SLC7A1: variants seen among roughly 807,000 people sequenced by gnomAD.
SLC7A1 encodes the protein high affinity cationic amino acid transporter 1.
Under a neutral mutation model 53.9 loss-of-function variants are expected in SLC7A1, and 10 were observed. The observed-to-expected ratio is 0.19, with a 90% CI of 0.11 to 0.31. The LOEUF (loss-of-function observed/expected upper bound fraction) is 0.31, where lower values mean the gene tolerates loss of function less well. Among genes scored for constraint, SLC7A1 ranks in the 10% least tolerant of loss-of-function variants. The pLI is 1.00. For missense variants in SLC7A1, 525 were observed against 827.2 expected (o/e 0.63, Z 4.48); for synonymous variants, 342 against 338.7 (o/e 1.01, Z -0.11).
intron 2 of SLC7A1, among the ~76,000 whole-genome samples, chr13:29,552,524 C>T (rs1436358553): frequency 1.3e-5 from 2 of 152,144 alleles, no homozygotes; most frequent in East Asian, 1.9e-4. Context: ...ATGGCCATGA[C>T]GCCCACATTG....
chr13:29,529,131 A>G (rs1869033211), intron 5 of SLC7A1, among the ~76,000 whole-genome samples: 1 of 152,192 alleles, frequency 6.6e-6, no homozygotes, highest in South Asian at 2.1e-4. Context: ...TGACTCTGAA[A>G]TGCTCGGGAT....
intron 1 of SLC7A1, among the ~76,000 whole-genome samples, chr13:29,557,757 A>G (rs12868663): frequency 0.064 from 5,565 of 86,700 alleles, 244 homozygotes; most frequent in Middle Eastern, 0.11. Flanking sequence ...AATGTGAGGG[A>G]GGAGTGAATA....
chr13:29,517,124 C>T lies in SLC7A1; in HGVS notation c.1677+20G>A, dbSNP rs1474361628. 1 of 1,576,430 alleles carries T rather than the reference C, an allele frequency of 6.3e-7. No homozygotes were observed. The highest frequency in any genetic ancestry group is 8.6e-7 in the Non-Finnish European group (1 of 1,160,096). ...CAGGGTCTGTGTACCAGGGTTCCTT[C>T]CCTAGGCCGAGCTGCTCACCTTAAA... On this transcript the variant is annotated intron_variant, in intron 11 of 12. Coordinates refer to ENST00000380752, the MANE Select transcript of SLC7A1 (RefSeq NM_003045.5).
intron 2 of SLC7A1, among the ~76,000 whole-genome samples, chr13:29,549,513 C>A (rs1870079926): frequency 6.6e-6 from 1 of 152,218 alleles, no homozygotes; most frequent in Non-Finnish European, 1.5e-5. Context: ...CCCAAATTGA[C>A]CCCAGAGCCA....
chr13:29,593,666 C>A (rs1437850014), intron 1 of SLC7A1, among the ~76,000 whole-genome samples: 1 of 152,138 alleles, frequency 6.6e-6, no homozygotes, highest in Non-Finnish European at 1.5e-5. Context: ...CCAGAATAAT[C>A]AATCAACACG....
intron 2 of SLC7A1, among the ~76,000 whole-genome samples, chr13:29,550,286 C>T (rs1593560377): frequency 6.6e-6 from 1 of 152,226 alleles, no homozygotes; most frequent in Admixed American, 6.5e-5. Flanking sequence ...TCCATGCTGG[C>T]TGCAAGGGTA....
At chr13:29,591,437 A>G (rs146769732) in intron 1 of SLC7A1, among the ~76,000 whole-genome samples, 2,763 of 152,270 alleles carry the variant, frequency 0.018, 73 homozygotes, top group African/African-American at 0.063. Flanking sequence ...ACAGCGTAGA[A>G]GCCCCATAAC....
chr13:29,552,256 G>C (rs143000724), intron 2 of SLC7A1, among the ~76,000 whole-genome samples: 1,229 of 122,716 alleles, frequency 0.01, 14 homozygotes, highest in Non-Finnish European at 9.9e-3. Flanking sequence ...CACACACACA[G>C]ACACACACAC....
chr13:29,575,160 T>C (rs535399736), intron 1 of SLC7A1, among the ~76,000 whole-genome samples: 5 of 152,354 alleles, frequency 3.3e-5, no homozygotes, highest in African/African-American at 1.2e-4. Context: ...AGGCACTTTT[T>C]CTAGGCCCCT....
intron 1 of SLC7A1, among the ~76,000 whole-genome samples, chr13:29,554,446 A>G (rs1243513921): frequency 6.6e-6 from 1 of 152,220 alleles, no homozygotes; most frequent in Non-Finnish European, 1.5e-5. Context: ...AGGTTATCCT[A>G]AATCTGGGAT....
intron 9 of SLC7A1, among the ~76,000 whole-genome samples, chr13:29,518,854 T>G (rs867713024): frequency 6.6e-6 from 1 of 151,558 alleles, no homozygotes; most frequent in African/African-American, 2.4e-5. Context: ...CTGAGGCAGG[T>G]GAGAACACCG....
chr13:29,552,038 A>C (rs1318160312), intron 2 of SLC7A1, among the ~76,000 whole-genome samples: 2 of 152,154 alleles, frequency 1.3e-5, no homozygotes, highest in African/African-American at 4.8e-5. Flanking sequence ...AGTTGCTTAC[A>C]TGTGGCAAAG....
At chr13:29,577,850 A>T (rs1185342657) in intron 1 of SLC7A1, among the ~76,000 whole-genome samples, 1 of 152,176 alleles carries the variant, frequency 6.6e-6, no homozygotes, top group Non-Finnish European at 1.5e-5. Flanking sequence ...TGATCACCCC[A>T]AGCACCGCTA....
At chr13:29,588,887 G>C (rs1253083065) in intron 1 of SLC7A1, among the ~76,000 whole-genome samples, 1 of 152,220 alleles carries the variant, frequency 6.6e-6, no homozygotes, top group Non-Finnish European at 1.5e-5. Flanking sequence ...CAAAAGGGAT[G>C]AGGGAAGAGT....
intron 1 of SLC7A1, among the ~76,000 whole-genome samples, chr13:29,577,862 C>A (rs1221422003): frequency 1.3e-5 from 2 of 152,186 alleles, no homozygotes; most frequent in Non-Finnish European, 2.9e-5. Context: ...GCACCGCTAG[C>A]CCCCGCGTGC....
In SLC7A1 at chr13:29,522,330, C is replaced by T. The variant is rs150705194; in HGVS notation, c.1176G>A (p.Ser392=). 68 of 1,614,052 alleles carry T rather than the reference C, an allele frequency of 4.2e-5. No homozygotes were observed. The highest frequency in any genetic ancestry group is 5.7e-5 in the Non-Finnish European group (67 of 1,180,036). ...TCTAGTACTCACCAGCAACGGCACCCGAGGCTAATGTGGCGATTATTGGTG... is the reference window on the plus strand; with the variant it reads ...TCTAGTACTCACCAGCAACGGCACCTGAGGCTAATGTGGCGATTATTGGTG... ...TKTPIIATLA[S]GAVAAVMAFL... The change falls in exon 8 of 13, where the codon TCG becomes TCA. Residue 392 remains serine (S), a synonymous_variant. Coordinates refer to ENST00000380752, the MANE Select transcript of SLC7A1 (RefSeq NM_003045.5).
At chr13:29,582,366 C>T (rs775461610) in intron 1 of SLC7A1, among the ~76,000 whole-genome samples, 1 of 152,206 alleles carries the variant, frequency 6.6e-6, no homozygotes, top group Non-Finnish European at 1.5e-5. Context: ...CAAGCTGGGC[C>T]GAAATAAGTG....
rs1311772390 is a variant in SLC7A1 at position 29,571,211 on chromosome 13, T to TA, written c.-114-17352dup. 9.8e-5 allele frequency among the ~76,000 whole-genome samples: 15 copies of TA among 152,338 alleles called. No homozygotes were observed. In the East Asian group the frequency reaches 2.5e-3, roughly 25 times the overall value. ...CAAAGTACTATACAAATATACAGTTTAAAAAATAAAATAAGGTTATTGTTT... is the reference window on the plus strand; with the variant it reads ...CAAAGTACTATACAAATATACAGTTTAAAAAAATAAAATAAGGTTATTGTTT... On this transcript the variant is annotated intron_variant, in intron 1 of 12. Transcript: ENST00000380752.
chr13:29,560,755 G>A (rs1012968472), intron 1 of SLC7A1, among the ~76,000 whole-genome samples: 2 of 152,068 alleles, frequency 1.3e-5, no homozygotes, highest in Non-Finnish European at 1.5e-5. Context: ...TGGAACTACT[G>A]TCATAGATGA....
Sources: allele counts gnomAD v4.1 joint callset (sites outside exome capture counted in the v4.1 genomes callset), GRCh38; gene constraint gnomAD v4.1.1; transcripts MANE v1.5; gene names NCBI Gene and HGNC (gene_info 2026-07-23, HGNC 2026-07-21).